KLHL29: variants seen among roughly 807,000 people sequenced by gnomAD.
KLHL29 encodes kelch like family member 29.
A neutral mutation model predicts 80.4 loss-of-function variants in KLHL29; 21 were observed. That is an observed-to-expected ratio of 0.26 (90% CI 0.19 to 0.38). The LOEUF is 0.38. KLHL29 is among the 10% of genes least tolerant of loss of function. The pLI, the probability that KLHL29 is intolerant of heterozygous loss-of-function variation, is 1.00. For synonymous variants in KLHL29, 511 were observed against 526.8 expected (o/e 0.97, Z 0.41); for missense variants, 867 against 1,223.9 (o/e 0.71, Z 4.35).
intron 1 of KLHL29, among the ~76,000 whole-genome samples, chr2:23,421,792 CTG>C (rs1248206774): frequency 1.3e-5 from 2 of 149,436 alleles, no homozygotes; most frequent in Non-Finnish European, 1.5e-5. Flanking sequence ...GTTCATACAT[CTG>C]TGTGTGTGTC....
intron 2 of KLHL29, among the ~76,000 whole-genome samples, chr2:23,499,609 T>C (rs1451303809): frequency 6.6e-6 from 1 of 152,174 alleles, no homozygotes; most frequent in Non-Finnish European, 1.5e-5. Flanking sequence ...AGAAAAGGGA[T>C]GGCTGGAACA....
At chr2:23,428,917 C>A (rs1663081980) in intron 1 of KLHL29, among the ~76,000 whole-genome samples, 1 of 152,202 alleles carries the variant, frequency 6.6e-6, no homozygotes, top group Non-Finnish European at 1.5e-5. Context: ...ATAGAAAGTT[C>A]TACACCACAT....
intron 13 of KLHL29, among the ~76,000 whole-genome samples, chr2:23,705,700 G>A (rs1672674584): frequency 6.6e-6 from 1 of 152,184 alleles, no homozygotes; most frequent in South Asian, 2.1e-4. Context: ...AACGGGTGGA[G>A]CCTTTGAAAA....
At chr2:23,539,431 CCTTTTTT>C (rs1252647683) in intron 2 of KLHL29, among the ~76,000 whole-genome samples, 4 of 107,214 alleles carry the variant, frequency 3.7e-5, no homozygotes, top group Admixed American at 1.0e-4. Context: ...TATCCTGCCT[CCTTTTTT>C]TTTTTTTTTT....
At chr2:23,528,408 C>G (rs1459003725) in intron 2 of KLHL29, among the ~76,000 whole-genome samples, 2 of 152,138 alleles carry the variant, frequency 1.3e-5, no homozygotes, top group Admixed American at 6.5e-5. Flanking sequence ...TGGTTAGTCA[C>G]TAGTTCCTGC....
chr2:23,421,883 G>A (rs988323826), intron 1 of KLHL29, among the ~76,000 whole-genome samples: 2 of 151,826 alleles, frequency 1.3e-5, no homozygotes, highest in Non-Finnish European at 2.9e-5. Context: ...ATGTATGTGT[G>A]TATCTGTGTG....
intron 2 of KLHL29, among the ~76,000 whole-genome samples, chr2:23,557,138 C>T (rs189276267): frequency 2.0e-5 from 3 of 152,312 alleles, no homozygotes; most frequent in East Asian, 3.9e-4. Flanking sequence ...TGACCAGTCT[C>T]GTCTAACGTA....
At chr2:23,613,763 C>CAAAAAAAAAAAAAAAAAAAAAAAAA (rs1157736706) in intron 3 of KLHL29, among the ~76,000 whole-genome samples, 1 of 63,726 alleles carries the variant, frequency 1.6e-5, no homozygotes, top group African/African-American at 8.9e-5. Flanking sequence ...GACTCCATCT[C>CAAAAAAAAAAAAAAAAAAAAAAAAA]AAAAAAAAAA....
At chr2:23,544,062 A>G (rs948473779) in intron 2 of KLHL29, among the ~76,000 whole-genome samples, 1 of 152,180 alleles carries the variant, frequency 6.6e-6, no homozygotes, top group South Asian at 2.1e-4. Context: ...ACCCAGGGGA[A>G]TAATTCATTT....
intron 3 of KLHL29, among the ~76,000 whole-genome samples, chr2:23,587,750 A>G (rs1293191818): frequency 1.3e-5 from 2 of 152,240 alleles, no homozygotes; most frequent in Non-Finnish European, 2.9e-5. Flanking sequence ...CCACTTCTCC[A>G]TTAGATTCCT....
intron 2 of KLHL29, among the ~76,000 whole-genome samples, chr2:23,505,599 G>C (rs1665575141): frequency 6.6e-6 from 1 of 152,234 alleles, no homozygotes; most frequent in Admixed American, 6.5e-5. Flanking sequence ...GCCTCTCAAA[G>C]CCCCCACCCA....
At chr2:23,665,335 T>C (rs889908666) in intron 5 of KLHL29, among the ~76,000 whole-genome samples, 1 of 152,212 alleles carries the variant, frequency 6.6e-6, no homozygotes, top group Non-Finnish European at 1.5e-5. Flanking sequence ...GAAAAGTTGC[T>C]GTCACAGGCC....
chr2:23,579,273 G>A (rs140995154), intron 3 of KLHL29, among the ~76,000 whole-genome samples: 7 of 152,318 alleles, frequency 4.6e-5, no homozygotes, highest in East Asian at 3.9e-4. Context: ...TAGCTCATAC[G>A]TGGTATTATG....
intron 1 of KLHL29, among the ~76,000 whole-genome samples, chr2:23,471,818 C>T (rs1225183734): frequency 6.6e-6 from 1 of 152,162 alleles, no homozygotes; most frequent in Non-Finnish European, 1.5e-5. Flanking sequence ...CCTGTGATTT[C>T]CTGGGTTCAT....
At chr2:23,435,038 T>G (rs879321564) in intron 1 of KLHL29, among the ~76,000 whole-genome samples, 1 of 152,198 alleles carries the variant, frequency 6.6e-6, no homozygotes, top group Non-Finnish European at 1.5e-5. Flanking sequence ...GAAACGCCAT[T>G]CCATAGCTCC....
intron 2 of KLHL29, among the ~76,000 whole-genome samples, chr2:23,547,971 G>A (rs1169124530): frequency 6.6e-6 from 1 of 152,062 alleles, no homozygotes; most frequent in Non-Finnish European, 1.5e-5. Flanking sequence ...AAAAGAGAGT[G>A]GTCTGAGGCC....
At chr2:23,597,174 A>G (rs815352) in intron 3 of KLHL29, among the ~76,000 whole-genome samples, 126,444 of 151,060 alleles carry the variant, frequency 0.84, 53,275 homozygotes, top group East Asian at 1. Flanking sequence ...TATAATAGGT[A>G]GAGAGATTGA....
intron 3 of KLHL29, among the ~76,000 whole-genome samples, chr2:23,564,868 C>T (rs1667551444): frequency 6.6e-6 from 1 of 152,204 alleles, no homozygotes; most frequent in Non-Finnish European, 1.5e-5. Flanking sequence ...TGTCTCTCCC[C>T]CTGAAGTTAT....
At chr2:23,662,626 C>T (rs1670443245) in intron 5 of KLHL29, among the ~76,000 whole-genome samples, 2 of 152,134 alleles carry the variant, frequency 1.3e-5, no homozygotes, top group African/African-American at 4.8e-5. Flanking sequence ...GAGGAGAGAG[C>T]CCTGCCCGGC....
Sources: allele counts gnomAD v4.1 joint callset (sites outside exome capture counted in the v4.1 genomes callset), GRCh38; gene constraint gnomAD v4.1.1; transcripts MANE v1.5; gene names NCBI Gene and HGNC (gene_info 2026-07-23, HGNC 2026-07-21).